Variants in SAV1 observed in about 807,000 individuals in gnomAD.
SAV1 encodes protein salvador homolog 1.
Under a neutral mutation model 47.3 loss-of-function variants are expected in SAV1, and 23 were observed. The ratio of observed to expected loss-of-function variants is 0.49; its 90% CI spans 0.35 to 0.69. SAV1 has a LOEUF of 0.69. SAV1 is among the 30% of genes least tolerant of loss of function. SAV1 has a pLI of 0.01. For missense variants in SAV1, 448 were observed against 457.4 expected (o/e 0.98, Z 0.19); for synonymous variants, 155 against 159.2 (o/e 0.97, Z 0.20).
intron 2 of SAV1, among the ~76,000 whole-genome samples, chr14:50,661,627 G>T (rs941158801): frequency 1.3e-5 from 2 of 152,118 alleles, no homozygotes; most frequent in African/African-American, 2.4e-5. Flanking sequence ...TGAGACAAGG[G>T]TCAGATTTCA....
chr14:50,645,140 G>A (rs991396231), intron 2 of SAV1, 126 bp from the exon 3 acceptor site: 19 of 785,966 alleles, frequency 2.4e-5, no homozygotes, highest in East Asian at 8.1e-5. Flanking sequence ...TCATGATTAT[G>A]CCCATTATGA....
intron 2 of SAV1, among the ~76,000 whole-genome samples, chr14:50,657,613 T>C (rs968543461): frequency 6.6e-6 from 1 of 152,188 alleles, no homozygotes; most frequent in African/African-American, 2.4e-5. Flanking sequence ...CCAATTTTGA[T>C]CCAAATCAGT....
chr14:50,666,182 C>A (rs1161787775), intron 1 of SAV1, among the ~76,000 whole-genome samples: 1 of 152,028 alleles, frequency 6.6e-6, no homozygotes, highest in Non-Finnish European at 1.5e-5. Flanking sequence ...GCACAGTAAT[C>A]AAAAGCTAGA....
At chr14:50,667,014 C>G (rs765840913) in intron 1 of SAV1, among the ~76,000 whole-genome samples, 2 of 151,972 alleles carry the variant, frequency 1.3e-5, no homozygotes, top group African/African-American at 2.4e-5. Flanking sequence ...CTACCAGCTT[C>G]CAAGAAGGAA....
chr14:50,649,678 T>G lies in SAV1; in HGVS notation c.536-4664A>C, dbSNP rs572848018. Among the ~76,000 whole-genome samples the G allele has an allele frequency of 7.9e-4, 120 of 152,352 alleles. 5 individuals carry two copies. The South Asian group carries it at 0.024, about 31-fold the overall frequency. On this transcript the variant is annotated intron_variant, in intron 2 of 4. Transcript: ENST00000324679. ...CAGTCCTAGGAAGACAGTATGTGGT[T>G]CATACTATTATTAATCCTCATTATT...
rs994381242 is a variant in SAV1 at position 50,633,797 on chromosome 14, C to T, written c.*1386G>A. ...AAAGTATATTTACATATTTACAACACATGTAAATATAACTGAAGAACTACT... is the reference window on the plus strand; with the variant it reads ...AAAGTATATTTACATATTTACAACATATGTAAATATAACTGAAGAACTACT... On this transcript the variant is annotated 3_prime_UTR_variant, in exon 5 of 5. Coordinates refer to ENST00000324679, the MANE Select transcript of SAV1 (RefSeq NM_021818.4). The T allele has an allele frequency of 6.5e-6, 1 of 153,810 alleles. No individual in the cohort carries two copies. Among genetic ancestry groups the T allele is most frequent in the Non-Finnish European group, 1.5e-5 (1 of 68,868 alleles). The allele number at this position is 153,810 out of a possible 1,614,324, so 9.5% of individuals were successfully genotyped here.
chr14:50,662,138 T>C (rs1221204089), intron 2 of SAV1, among the ~76,000 whole-genome samples: 1 of 151,178 alleles, frequency 6.6e-6, no homozygotes, highest in Non-Finnish European at 1.5e-5. Flanking sequence ...TCAATTTCTT[T>C]CATCAGTGTT....
chr14:50,646,016 C>T (rs1481041190), intron 2 of SAV1, among the ~76,000 whole-genome samples: 3 of 152,030 alleles, frequency 2.0e-5, no homozygotes, highest in Admixed American at 6.6e-5. Flanking sequence ...TTGGAAGATT[C>T]GACATAAAGT....
At chr14:50,649,849 A>G (rs530115623) in intron 2 of SAV1, among the ~76,000 whole-genome samples, 26 of 152,354 alleles carry the variant, frequency 1.7e-4, no homozygotes, top group Admixed American at 1.6e-3. Flanking sequence ...CAAATTTAGA[A>G]TATCTCAGAA....
Position 50,644,736 on chromosome 14 carries a change from T to C in SAV1, c.806+8A>G, listed in dbSNP as rs748623877. The C allele has an allele frequency of 6.2e-7, 1 of 1,607,880 alleles. No individual in the cohort carries two copies. The highest frequency in any genetic ancestry group is 1.1e-5 in the South Asian group (1 of 90,686). On this transcript the variant is annotated splice_region_variant and intron_variant, in intron 3 of 4. Transcript: ENST00000324679. ...AACAAAAAGTTGAAAATAAAGTTGA[T>C]ACTGTACCTAGGAGCACAGGGATGC...
chr14:50,638,565 A>G (rs893002477), intron 4 of SAV1, among the ~76,000 whole-genome samples: 7 of 152,206 alleles, frequency 4.6e-5, no homozygotes, highest in African/African-American at 1.2e-4. Flanking sequence ...CCCACCCGCC[A>G]TAACACTGTG....
intron 1 of SAV1, among the ~76,000 whole-genome samples, chr14:50,667,196 T>C (rs1264774009): frequency 6.7e-6 from 1 of 148,802 alleles, no homozygotes; most frequent in East Asian, 2.0e-4. Flanking sequence ...GGGAGTGGGA[T>C]CTACCCTATT....
Position 50,640,910 on chromosome 14 carries a change from G to T in SAV1, c.807-17C>A. 1.3e-6 allele frequency: 2 copies of T among 1,582,982 alleles called. No individual in the cohort carries two copies. The highest frequency in any genetic ancestry group is 2.3e-5 in the South Asian group (2 of 85,952). On this transcript the variant is annotated splice_polypyrimidine_tract_variant and intron_variant, in intron 3 of 4. Transcript: ENST00000324679. Reference sequence around the variant, plus strand: ...CGAGGTACACTAAGAAGAAAGGAGTGACATTCTTTAGGATAAAGGTCTTAA... The same window carrying T: ...CGAGGTACACTAAGAAGAAAGGAGTTACATTCTTTAGGATAAAGGTCTTAA...
At chr14:50,647,070 T>C (rs1029857768) in intron 2 of SAV1, among the ~76,000 whole-genome samples, 6 of 152,164 alleles carry the variant, frequency 3.9e-5, no homozygotes, top group African/African-American at 1.4e-4. Context: ...TCACAACCTA[T>C]ACCTGCCACC....
chr14:50,656,070 G>A (rs141050715), intron 2 of SAV1, among the ~76,000 whole-genome samples: 75 of 152,180 alleles, frequency 4.9e-4, no homozygotes, highest in African/African-American at 1.7e-3. Context: ...AAACTATACA[G>A]GTTTAGAGCG....
intron 4 of SAV1, among the ~76,000 whole-genome samples, chr14:50,639,372 C>G (rs943828956): frequency 7.2e-6 from 1 of 138,422 alleles, no homozygotes; most frequent in Non-Finnish European, 1.5e-5. Context: ...AATTGATTCT[C>G]ATTATCTAAT....
Position 50,644,836 on chromosome 14 carries a change from A to C in SAV1, c.714T>G (p.Pro238=), listed in dbSNP as rs1180752919. The change falls in exon 3 of 5, where the codon CCT becomes CCG. Residue 238 remains proline, a synonymous_variant. Coordinates refer to ENST00000324679, the MANE Select transcript of SAV1 (RefSeq NM_021818.4). ...CGGATGACTCAACTCGTTCCCATCC[A>C]GGAGGAAGTCCTTCTCGCTCAAGAG... is the stretch of plus-strand genomic sequence containing the variant. ...SHPLEREGLP[P]GWERVESSEF... 3 of 1,614,178 alleles carry C rather than the reference A, an allele frequency of 1.9e-6. No individual in the cohort carries two copies. Among genetic ancestry groups the C allele is most frequent in the Non-Finnish European group, 2.5e-6 (3 of 1,180,022 alleles).
intron 4 of SAV1, among the ~76,000 whole-genome samples, chr14:50,639,063 G>A (rs1271149914): frequency 1.3e-5 from 2 of 152,152 alleles, no homozygotes; most frequent in Admixed American, 6.5e-5. Context: ...CGCCGCACCC[G>A]GCCTAACTTT....
intron 2 of SAV1, among the ~76,000 whole-genome samples, chr14:50,657,024 CTTT>C (rs3080610): frequency 9.8e-5 from 12 of 122,218 alleles, no homozygotes; most frequent in East Asian, 2.5e-4. Context: ...AAAACACTCA[CTTT>C]TTTTTTTTTT....
Sources: allele counts gnomAD v4.1 joint callset (sites outside exome capture counted in the v4.1 genomes callset), GRCh38; gene constraint gnomAD v4.1.1; transcripts MANE v1.5; gene names NCBI Gene and HGNC (gene_info 2026-07-23, HGNC 2026-07-21).